Variants in ARHGEF10 observed in about 807,000 individuals in gnomAD.
ARHGEF10 encodes the protein Rho guanine nucleotide exchange factor 10, also known as Rho guanine nucleotide exchange factor (GEF) 10.
A neutral mutation model predicts 147.4 loss-of-function variants in ARHGEF10; 140 were observed. The observed-to-expected ratio is 0.95, with a 90% confidence interval of 0.83 to 1.09. The LOEUF (loss-of-function observed/expected upper bound fraction) is 1.09. Ranked by LOEUF, ARHGEF10 falls within the 50% of genes least tolerant of loss-of-function variation. The pLI, the probability that ARHGEF10 is intolerant of heterozygous loss-of-function variation, is 0.00. For missense variants in ARHGEF10, 2,222 were observed against 1,752.7 expected, an observed-to-expected ratio of 1.27 and a Z score of -4.78; for synonymous variants, 902 against 695.8, an observed-to-expected ratio of 1.30 and a Z score of -4.67.
chr8:1,921,267 T>C (rs1218280852), intron 18 of ARHGEF10, among the ~76,000 whole-genome samples: 1 of 152,242 alleles, frequency 6.6e-6, no homozygotes, highest in African/African-American at 2.4e-5. Context: ...TAAATATTTT[T>C]AGATACCTAT....
At position 1,876,822 on chromosome 8, in the gene ARHGEF10, T is replaced by G. The variant is rs1585357991; in HGVS notation, c.843+88T>G. Reference sequence around the variant, plus strand: ...AATATGATTGTGATCCACCTAGTACTTCATAGTGATTTGTTAAGATGCTGA... The same window carrying G: ...AATATGATTGTGATCCACCTAGTACGTCATAGTGATTTGTTAAGATGCTGA... On this transcript the variant is annotated intron_variant, in intron 8 of 28. Coordinates refer to ENST00000349830, the MANE Select transcript of ARHGEF10 (RefSeq NM_014629.4). 1.8e-5 allele frequency: 26 copies of G among 1,420,498 alleles called. No homozygotes were observed. In the East Asian group the frequency reaches 5.9e-4, roughly 32 times the overall value. 88.0% of individuals were successfully genotyped at this position (1,420,498 alleles called of 1,614,324 possible). A position where few individuals can be genotyped will look rare whatever the true frequency, so the allele number is the denominator to read the frequency against.
At chr8:1,910,036 T>A (rs1405350518) in intron 18 of ARHGEF10, among the ~76,000 whole-genome samples, 1 of 152,194 alleles carries the variant, frequency 6.6e-6, no homozygotes. Flanking sequence ...TTACCTAACA[T>A]TGTTCAGACT....
intron 11 of ARHGEF10, among the ~76,000 whole-genome samples, chr8:1,887,053 C>T (rs1808723616): frequency 6.6e-6 from 1 of 152,200 alleles, no homozygotes; most frequent in Non-Finnish European, 1.5e-5. Flanking sequence ...TCTTGCCAGT[C>T]CTATGAGGCG....
At chr8:1,905,497 C>G (rs900981381) in intron 16 of ARHGEF10, 74 bp from the exon 17 acceptor site, 11 of 1,591,866 alleles carry the variant, frequency 6.9e-6, no homozygotes, top group African/African-American at 6.7e-5. Flanking sequence ...AGACTCCATA[C>G]CAGACTTCTC....
intron 11 of ARHGEF10, among the ~76,000 whole-genome samples, chr8:1,889,755 T>C (rs1471412971): frequency 1.8e-5 from 1 of 55,832 alleles, no homozygotes; most frequent in Non-Finnish European, 3.5e-5. Flanking sequence ...TTGAGTGGGA[T>C]GAGGGTTGTG....
intron 1 of ARHGEF10, among the ~76,000 whole-genome samples, chr8:1,828,888 C>CT (rs1384905047): frequency 1.6e-5 from 2 of 121,790 alleles, no homozygotes; most frequent in African/African-American, 6.6e-5. Flanking sequence ...CTATCGTTTG[C>CT]TTATTTTTTT....
At chr8:1,876,771 C>A in intron 8 of ARHGEF10, 37 bp downstream of exon 8, 1 of 1,608,500 alleles carries the variant, frequency 6.2e-7, no homozygotes, top group Non-Finnish European at 8.5e-7. Context: ...ATGGTTCTCT[C>A]GCGTTAACAC....
chr8:1,866,089 TG>T (rs1368772174), intron 5 of ARHGEF10, among the ~76,000 whole-genome samples: 5 of 152,188 alleles, frequency 3.3e-5, no homozygotes, highest in African/African-American at 1.2e-4. Context: ...TGGTTTATGC[TG>T]GGTGGCCTTG....
At position 1,840,608 on chromosome 8, in the gene ARHGEF10, G is replaced by A. The variant is rs74525961; in HGVS notation, c.-47-2745G>A. The stretch of plus-strand genomic sequence containing the variant: ...AAGCTGTCCGATATGGGGACTGTCT[G>A]ATGTGGAAGCTGTCTGGTTTGGGGA... On this transcript the variant is annotated intron_variant, in intron 1 of 28. Transcript: ENST00000349830. 9.7e-3 allele frequency among the ~76,000 whole-genome samples: 1,287 copies of A among 132,974 alleles called. 119 individuals carry two copies. Among genetic ancestry groups the A allele is most frequent in the South Asian group, 0.036 (128 of 3,544 alleles). The allele number at this position is 132,974 out of a possible 152,430, so 87.2% of individuals were successfully genotyped here.
rs760190427 is a variant in ARHGEF10 at position 1,909,358 on chromosome 8, G to T, written c.2031G>T (p.Leu677=). The change falls in exon 18 of 29, where the codon CTG becomes CTT. Residue 677 remains leucine, a synonymous_variant. Coordinates refer to ENST00000349830, the MANE Select transcript of ARHGEF10 (RefSeq NM_014629.4). ...QRYLLKWSVP[L]GHVDAIEYGS... ...ACTTGCTGAAGTGGAGCGTTCCACTGGGACATGTGGACGCCATCGAGTATG... is the reference window on the plus strand; with the variant it reads ...ACTTGCTGAAGTGGAGCGTTCCACTTGGACATGTGGACGCCATCGAGTATG... The T allele has an allele frequency of 3.7e-6, 6 of 1,614,248 alleles. No homozygotes were observed. The highest frequency in any genetic ancestry group is 4.5e-5 in the East Asian group (2 of 44,890).
Position 1,957,408 on chromosome 8 carries a change from A to G in ARHGEF10, c.*145A>G, listed in dbSNP as rs1815671241. 3.4e-6 allele frequency: 4 copies of G among 1,170,254 alleles called. No homozygotes were observed. In the South Asian group the frequency reaches 4.4e-5, roughly 13 times the overall value. The allele number at this position is 1,170,254 out of a possible 1,614,324, so 72.5% of individuals were successfully genotyped here. A position where few individuals can be genotyped will look rare whatever the true frequency, so the allele number is the denominator to read the frequency against. On this transcript the variant is annotated 3_prime_UTR_variant, in exon 29 of 29. Coordinates refer to ENST00000349830, the MANE Select transcript of ARHGEF10 (RefSeq NM_014629.4). ...TGGGGGAGAAACGTGCAATAGCGTA[A>G]TGGTGGTGTCCCTGCCAATTCCTTC...
intron 2 of ARHGEF10, among the ~76,000 whole-genome samples, chr8:1,846,731 C>G (rs1369711519): frequency 6.6e-6 from 1 of 152,152 alleles, no homozygotes; most frequent in Non-Finnish European, 1.5e-5. Context: ...CACCTGCCAC[C>G]ATGCCCAGCT....
rs766078379 is a variant in ARHGEF10, at chr8:1,898,511, A to G, written c.1636A>G (p.Ile546Val). The part of the protein sequence containing the change: ...MKPIQRFPQF[I>V]LLLQDMLKNT... Reference sequence around the variant, plus strand: ...GCCCATCCAGAGGTTCCCACAGTTCATCCTCCTGCTCCAGGTAAGTGCTTC... The same window carrying G: ...GCCCATCCAGAGGTTCCCACAGTTCGTCCTCCTGCTCCAGGTAAGTGCTTC... Residue 546 changes from isoleucine to valine, a missense_variant, in exon 15 of 29, where the codon ATC (isoleucine) becomes GTC (valine). Ile to Val is a conservative substitution (Grantham distance 29). Coordinates refer to ENST00000349830, the MANE Select transcript of ARHGEF10 (RefSeq NM_014629.4). The G allele has an allele frequency of 3.1e-6, 5 of 1,614,058 alleles. No homozygotes were observed. Among genetic ancestry groups the G allele is most frequent in the Middle Eastern group, 3.3e-4 (2 of 6,062 alleles).
At chr8:1,910,605 G>A (rs1811285249) in intron 18 of ARHGEF10, among the ~76,000 whole-genome samples, 1 of 152,158 alleles carries the variant, frequency 6.6e-6, no homozygotes, top group South Asian at 2.1e-4. Flanking sequence ...TATGGAGAGC[G>A]AGAGGGAGGA....
chr8:1,824,342 G>T (rs1044613907), intron 1 of ARHGEF10, among the ~76,000 whole-genome samples: 3 of 151,968 alleles, frequency 2.0e-5, no homozygotes, highest in African/African-American at 2.4e-5. Flanking sequence ...GGGCCTGGGC[G>T]GGGGGAGCAG....
intron 14 of ARHGEF10, among the ~76,000 whole-genome samples, chr8:1,897,704 G>C (rs1301765826): frequency 6.6e-6 from 1 of 152,316 alleles, no homozygotes; most frequent in East Asian, 1.9e-4. Context: ...TTTGGGGAAA[G>C]AAAACATGGA....
intron 2 of ARHGEF10, among the ~76,000 whole-genome samples, chr8:1,847,089 A>C (rs181500191): frequency 3.2e-4 from 48 of 152,210 alleles, no homozygotes; most frequent in African/African-American, 1.1e-3. Flanking sequence ...TTCTCTAGAA[A>C]TGTCTTTGGC....
At position 1,957,206 on chromosome 8, in the gene ARHGEF10, C is replaced by T; in HGVS notation, c.3978C>T (p.His1326=). The change falls in exon 29 of 29, where the codon CAC becomes CAT. Residue 1326 remains histidine, a synonymous_variant. Coordinates refer to ENST00000349830, the MANE Select transcript of ARHGEF10 (RefSeq NM_014629.4). ...TGCACAGGAAGGCCCGGCAGCCCCACCAGGAAGAGCTGGCGCCGACCGTCA... is the reference window on the plus strand; with the variant it reads ...TGCACAGGAAGGCCCGGCAGCCCCATCAGGAAGAGCTGGCGCCGACCGTCA... ...RRVHRKARQP[H]QEELAPTVMV... is the part of the protein sequence containing the mutation. The T allele has an allele frequency of 1.9e-6, 3 of 1,612,312 alleles. No homozygotes were observed. The highest frequency in any genetic ancestry group is 2.5e-6 in the Non-Finnish European group (3 of 1,179,950).
intron 27 of ARHGEF10, among the ~76,000 whole-genome samples, chr8:1,950,819 A>T (rs1267071059): frequency 7.5e-6 from 1 of 133,700 alleles, no homozygotes; most frequent in Admixed American, 8.8e-5. Context: ...GCCTCAGGGG[A>T]TCCACCCACC....
Sources: gnomAD v4.1 joint callset for allele counts (sites outside exome capture counted in the v4.1 genomes callset) on GRCh38, gnomAD v4.1.1 for gene constraint, MANE v1.5 for transcripts, NCBI Gene and HGNC (gene_info 2026-07-23, HGNC 2026-07-21) for gene names.